Variants in TRAF7 observed in about 807,000 individuals in gnomAD.
The protein encoded by TRAF7 is E3 ubiquitin-protein ligase TRAF7.
In TRAF7, 45 loss-of-function variants were observed where a neutral mutation model predicts 89.3. The ratio of observed to expected loss-of-function variants is 0.50; its 90% CI spans 0.40 to 0.65. The LOEUF (loss-of-function observed/expected upper bound fraction) is 0.65, where lower values mean the gene tolerates loss of function less well. Ranked by LOEUF, TRAF7 falls within the 30% of genes least tolerant of loss-of-function variation. The probability of loss-of-function intolerance (pLI) is 0.00; values close to 1 mark genes in which losing one functional copy is unlikely to be tolerated. For missense variants in TRAF7, 677 were observed against 918.1 expected (o/e 0.74, Z 3.39); for synonymous variants, 406 against 369.2 (o/e 1.10, Z -1.14).
chr16:2,174,341 CAG>C lies in TRAF7; in HGVS notation c.1346+9_1346+10del. The C allele has an allele frequency of 6.2e-7, 1 of 1,606,822 alleles. No homozygotes were observed. The highest frequency in any genetic ancestry group is 8.5e-7 in the Non-Finnish European group (1 of 1,174,516). On this transcript the variant is annotated intron_variant, in intron 14 of 20. Coordinates refer to ENST00000326181, the MANE Select transcript of TRAF7 (RefSeq NM_032271.3). ...GGCTCTCTGCATCCAGGGGTGAGTC[CAG>C]GCACATGTGTGATCAGTGATTCCCA...
chr16:2,160,551 G>C (rs1214078629), intron 1 of TRAF7, among the ~76,000 whole-genome samples: 4 of 127,568 alleles, frequency 3.1e-5, no homozygotes, highest in South Asian at 2.6e-4. Flanking sequence ...CGGTGTGGAT[G>C]GGCGGGCGGT....
chr16:2,165,371 G>A (rs1237905957), intron 2 of TRAF7, among the ~76,000 whole-genome samples: 5 of 99,308 alleles, frequency 5.0e-5, no homozygotes, highest in Non-Finnish European at 9.8e-5. Flanking sequence ...GCTGCGTGGC[G>A]CGGCCTGGTC....
In TRAF7 at chr16:2,163,298, G is replaced by A. The variant is rs988908886; in HGVS notation, c.-38-585G>A. Among the ~76,000 whole-genome samples the A allele has an allele frequency of 3.3e-5, 5 of 152,164 alleles. No individual in the cohort carries two copies. Among genetic ancestry groups the A allele is most frequent in the African/African-American group, 4.8e-5 (2 of 41,428 alleles). ...TCATCTCTCTCCTGTGCTTTTTTCC[G>A]TGCAGTGCGGTTTGTGTGGAGTTGG... On this transcript the variant is annotated intron_variant, in intron 1 of 20. Coordinates refer to ENST00000326181, the MANE Select transcript of TRAF7 (RefSeq NM_032271.3). The surrounding 1 kb of genome is among the most constrained non-coding windows in gnomAD (Gnocchi z 4.3).
intron 9 of TRAF7, 57 bp from the exon 10 acceptor site, chr16:2,173,125 G>C (rs2093120529): frequency 6.6e-7 from 1 of 1,516,548 alleles, no homozygotes; most frequent in African/African-American, 1.4e-5. Context: ...GGGATTCTTG[G>C]GGATGGGGAG....
chr16:2,170,082 G>A (rs540666195), intron 4 of TRAF7, among the ~76,000 whole-genome samples: 10 of 152,318 alleles, frequency 6.6e-5, no homozygotes, highest in African/African-American at 1.9e-4. Flanking sequence ...GCTCAGCCGA[G>A]GTTCTCTGGG....
Position 2,173,201 on chromosome 16 carries a change from C to T in TRAF7, c.814C>T (p.Gln272Ter). ...SKYGCTFIGN[Q>*]DTYETHLETC... is the part of the protein sequence containing the mutation. Reference sequence around the variant, plus strand: ...CCGCAGGTGCACGTTCATCGGGAACCAGGACACTTACGAGACCCACCTGGA... The same window carrying T: ...CCGCAGGTGCACGTTCATCGGGAACTAGGACACTTACGAGACCCACCTGGA... Residue 272 changes from glutamine to a stop codon, truncating the protein, a stop_gained, in exon 10 of 21, where the codon CAG becomes TAG. Transcript: ENST00000326181. LOFTEE classifies it high-confidence loss of function. The T allele has an allele frequency of 6.2e-7, 1 of 1,610,854 alleles. No individual in the cohort carries two copies. Among genetic ancestry groups the T allele is most frequent in the Non-Finnish European group, 8.5e-7 (1 of 1,179,216 alleles).
At chr16:2,160,154 A>G (rs1294099194) in intron 1 of TRAF7, among the ~76,000 whole-genome samples, 1 of 152,088 alleles carries the variant, frequency 6.6e-6, no homozygotes, top group East Asian at 2.0e-4. Context: ...AATCCCTCCT[A>G]CGTGAATGTG....
intron 3 of TRAF7, among the ~76,000 whole-genome samples, chr16:2,166,344 C>T (rs2141276939): frequency 6.6e-6 from 1 of 152,326 alleles, no homozygotes; most frequent in East Asian, 1.9e-4. Context: ...GGCCCTAGGG[C>T]TTCAGTAACA....
intron 14 of TRAF7, among the ~76,000 whole-genome samples, chr16:2,174,802 G>C (rs147994013): frequency 6.6e-6 from 1 of 152,224 alleles, no homozygotes; most frequent in African/African-American, 2.4e-5. Context: ...AGAGATGCTC[G>C]CTTTCAGGAG....
At position 2,158,514 on chromosome 16, in the gene TRAF7, A is replaced by G. The variant is rs2093044987; in HGVS notation, c.-39+2656A>G. Among the ~76,000 whole-genome samples, 1 of 152,210 alleles carries G rather than the reference A, an allele frequency of 6.6e-6. No individual in the cohort carries two copies. ...GTAGGGGGCAGCGACGCAGAGGGCC[A>G]GGACTGAGGGCCGTGGGACGGTGTG... On this transcript the variant is annotated intron_variant, in intron 1 of 20. Transcript: ENST00000326181. The surrounding 1 kb of genome is among the most constrained non-coding windows in gnomAD (Gnocchi z 4.7).
chr16:2,165,290 C>T lies in TRAF7; in HGVS notation c.82-589C>T, dbSNP rs866115617. Among the ~76,000 whole-genome samples the T allele has an allele frequency of 5.7e-3, 490 of 85,762 alleles. 1 individual carries two copies. Among genetic ancestry groups the T allele is most frequent in the Middle Eastern group, 0.04 (4 of 100 alleles). The allele number at this position is 85,762 out of a possible 152,430, so 56.3% of individuals were successfully genotyped here. On this transcript the variant is annotated intron_variant, in intron 2 of 20. Transcript: ENST00000326181. Reference sequence around the variant, plus strand: ...TTAAGCGTGTTAGTGCTGCGTGGCGCGGCCTGGTCGCATGGTTAAGTGTGT... The same window carrying T: ...TTAAGCGTGTTAGTGCTGCGTGGCGTGGCCTGGTCGCATGGTTAAGTGTGT...
intron 4 of TRAF7, 84 bp from the exon 5 acceptor site, chr16:2,170,530 C>T (rs1044637947): frequency 2.7e-5 from 28 of 1,035,414 alleles, no homozygotes; most frequent in African/African-American, 7.9e-5. Context: ...GCTGCCCTCG[C>T]GCTTCCGCCG....
In TRAF7 at chr16:2,158,076, A is replaced by G. The variant is rs191231097; in HGVS notation, c.-39+2218A>G. ...TTTGAACCCAGCTCTGTCTGAGCCC[A>G]GTGCCTGTGGCCTTGACCACGGTGT... is the stretch of plus-strand genomic sequence containing the variant. On this transcript the variant is annotated intron_variant, in intron 1 of 20. Transcript: ENST00000326181. This position sits in a 1 kb window ranked among gnomAD's most constrained non-coding sequence, Gnocchi z 4.7. Among the ~76,000 whole-genome samples, 1 of 152,330 alleles carries G rather than the reference A, an allele frequency of 6.6e-6. No individual in the cohort carries two copies. The highest frequency in any genetic ancestry group is 1.5e-5 in the Non-Finnish European group (1 of 68,030).
rs1445532563 is a variant in TRAF7, at chr16:2,158,431, C to T, written c.-39+2573C>T. The stretch of plus-strand genomic sequence containing the variant: ...ACACCCTCACCCGGCTGGAGGAAGC[C>T]GGCTGCCTGGAAACTCGGGGTGGAG... On this transcript the variant is annotated intron_variant, in intron 1 of 20. Coordinates refer to ENST00000326181, the MANE Select transcript of TRAF7 (RefSeq NM_032271.3). This position sits in a 1 kb window ranked among gnomAD's most constrained non-coding sequence, Gnocchi z 4.7. 4.6e-5 allele frequency among the ~76,000 whole-genome samples: 7 copies of T among 152,186 alleles called. No individual in the cohort carries two copies. In the East Asian group the frequency reaches 1.3e-3, roughly 29 times the overall value.
chr16:2,160,028 G>A (rs936215376), intron 1 of TRAF7, among the ~76,000 whole-genome samples: 5 of 152,220 alleles, frequency 3.3e-5, no homozygotes, highest in Non-Finnish European at 7.4e-5. Flanking sequence ...CCAGCTTGTG[G>A]GAGCTAGGGA....
intron 4 of TRAF7, among the ~76,000 whole-genome samples, chr16:2,169,202 G>C (rs1020281425): frequency 6.6e-6 from 1 of 152,100 alleles, no homozygotes; most frequent in Non-Finnish European, 1.5e-5. Flanking sequence ...GGCTGGTCTC[G>C]AACTCCCGAC....
At position 2,164,561 on chromosome 16, in the gene TRAF7, C is replaced by A. The variant is rs40341; in HGVS notation, c.81+560C>A. The stretch of plus-strand genomic sequence containing the variant: ...TGAGTGCTGCGTGGCCTGGCCTGGT[C>A]GCATGGTTAAGCATGTTAGTGCTAC... On this transcript the variant is annotated intron_variant, in intron 2 of 20. Coordinates refer to ENST00000326181, the MANE Select transcript of TRAF7 (RefSeq NM_032271.3). Among the ~76,000 whole-genome samples the A allele has an allele frequency of 3.2e-5, 4 of 123,116 alleles. No homozygotes were observed. In the East Asian group the frequency reaches 1.0e-3, roughly 32 times the overall value. 80.8% of individuals were successfully genotyped at this position (123,116 alleles called of 152,430 possible).
rs773392981 is a variant in TRAF7 at position 2,173,560 on chromosome 16, C to T, written c.1086+6C>T. The T allele has an allele frequency of 1.5e-5, 24 of 1,612,196 alleles. No homozygotes were observed. The highest frequency in any genetic ancestry group is 5.3e-5 in the African/African-American group (4 of 74,892). ...GGGACGCATCCATGTTAAATGTGAG[C>T]GGGCGGGGCTGGAGGGGCTGGGTTG... On this transcript the variant is annotated splice_donor_region_variant and intron_variant, in intron 11 of 20. Coordinates refer to ENST00000326181, the MANE Select transcript of TRAF7 (RefSeq NM_032271.3).
At chr16:2,157,340 C>G (rs2093039434) in intron 1 of TRAF7, among the ~76,000 whole-genome samples, 1 of 151,776 alleles carries the variant, frequency 6.6e-6, no homozygotes, top group African/African-American at 2.4e-5. Flanking sequence ...AGTCAGCACC[C>G]CAACCTGACG....
Sources: gnomAD v4.1 joint callset for allele counts (sites outside exome capture counted in the v4.1 genomes callset) on GRCh38, gnomAD v4.1.1 for gene constraint, Gnocchi (gnomAD v3.1) non-coding constraint, MANE v1.5 for transcripts, NCBI Gene and HGNC (gene_info 2026-07-23, HGNC 2026-07-21) for gene names.